Variants in ITFG2 observed in about 807,000 individuals in gnomAD.
The protein encoded by ITFG2 is KICSTOR complex protein ITFG2.
In ITFG2, 36 loss-of-function variants were observed where a neutral mutation model predicts 54.4. The ratio of observed to expected loss-of-function variants is 0.66; its 90% CI spans 0.51 to 0.87. The LOEUF (loss-of-function observed/expected upper bound fraction) is 0.87, where lower values mean the gene tolerates loss of function less well. Among genes scored for constraint, ITFG2 ranks in the 40% least tolerant of loss-of-function variants. ITFG2 has a pLI of 0.00. For synonymous variants in ITFG2, 211 were observed against 225.4 expected (o/e 0.94, Z 0.57); for missense variants, 524 against 576.7 (o/e 0.91, Z 0.94).
intron 2 of ITFG2, among the ~76,000 whole-genome samples, chr12:2,841,468 TGTCTTTA>T (rs754805531): frequency 6.6e-6 from 1 of 152,204 alleles, no homozygotes; most frequent in Non-Finnish European, 1.5e-5. Flanking sequence ...AAACACTTTC[TGTCTTTA>T]GATAAAACCA....
chr12:2,854,252 C>T (rs997747137), intron 2 of ITFG2, among the ~76,000 whole-genome samples: 13 of 152,298 alleles, frequency 8.5e-5, no homozygotes, highest in South Asian at 2.1e-4. Flanking sequence ...CTGGAACTCC[C>T]TACCTCAGGT....
chr12:2,855,404 C>A, intron 2 of ITFG2: 1 of 1,500,952 alleles, frequency 6.7e-7, no homozygotes, highest in Non-Finnish European at 8.9e-7. Context: ...TCACGCTGAG[C>A]CCACGTTTGG....
intron 2 of ITFG2, chr12:2,857,098 G>T: frequency 1.4e-6 from 1 of 702,534 alleles, no homozygotes; most frequent in South Asian, 1.5e-5. Context: ...TTTACTCCTG[G>T]GGTTGCTATG....
chr12:2,854,272 G>A (rs868522074), intron 2 of ITFG2, among the ~76,000 whole-genome samples: 14 of 152,184 alleles, frequency 9.2e-5, no homozygotes, highest in Non-Finnish European at 1.3e-4. Flanking sequence ...TGATCCGGCC[G>A]CCTCGGCCTC....
At chr12:2,830,690 C>G in intron 2 of ITFG2, 1 of 1,599,534 alleles carries the variant, frequency 6.3e-7, no homozygotes, top group Non-Finnish European at 8.5e-7. Context: ...GAAAGTGTGT[C>G]CCTGGGAGGC....
At chr12:2,832,323 G>C (rs887764010), upstream of ITFG2, among the ~76,000 whole-genome samples, 1 of 151,762 alleles carries the variant, frequency 6.6e-6, no homozygotes, top group African/African-American at 2.4e-5. Flanking sequence ...CCACATGACC[G>C]GGCCGTGCCT....
In ITFG2 at chr12:2,845,096, A is replaced by T. The variant is rs2098050378; in HGVS notation, n.300+4101A>T. On this transcript the variant is annotated intron_variant and non_coding_transcript_variant, in intron 2 of 3. Transcript: ENST00000537710. This position sits in a 1 kb window ranked among gnomAD's most constrained non-coding sequence, Gnocchi z 4.2. ...CAGCCACTATTGACACTGTGTAATG[A>T]AAAGAGCAAATGTGTGCGGCTCGGT... Among the ~76,000 whole-genome samples the T allele has an allele frequency of 6.6e-6, 1 of 152,164 alleles. No homozygotes were observed. The highest frequency in any genetic ancestry group is 2.1e-4 in the South Asian group (1 of 4,828).
chr12:2,822,989 G>A, intron 10 of ITFG2, 78 bp downstream of exon 10: 1 of 1,064,508 alleles, frequency 9.4e-7, no homozygotes, highest in Non-Finnish European at 1.5e-6. Flanking sequence ...GGAAGTGTTT[G>A]CCCCTCACTT....
intron 2 of ITFG2, among the ~76,000 whole-genome samples, chr12:2,841,795 T>G (rs573324607): frequency 4.6e-4 from 70 of 152,140 alleles, no homozygotes; most frequent in African/African-American, 1.6e-3. Flanking sequence ...CTCGGCTCAC[T>G]GCAACCTCCG....
chr12:2,859,530 C>T (rs768600295), intron 3 of ITFG2: 1 of 1,614,036 alleles, frequency 6.2e-7, no homozygotes, highest in South Asian at 1.1e-5. Flanking sequence ...CATTTCCTCC[C>T]CAGGCTGGAT....
intron 2 of ITFG2, among the ~76,000 whole-genome samples, chr12:2,846,544 T>A (rs1385040233): frequency 6.6e-6 from 1 of 152,060 alleles, no homozygotes; most frequent in African/African-American, 2.4e-5. Context: ...CTCGACGGGC[T>A]TCACTTTGCC....
chr12:2,855,803 G>T (rs1299644288), intron 2 of ITFG2, among the ~76,000 whole-genome samples: 1 of 152,126 alleles, frequency 6.6e-6, no homozygotes, highest in Admixed American at 6.6e-5. Flanking sequence ...GGCACATCAG[G>T]CCTCAGGAAA....
chr12:2,827,865 GC>G (rs1031197618), downstream of ITFG2: 3 of 1,611,518 alleles, frequency 1.9e-6, no homozygotes, highest in Non-Finnish European at 2.5e-6. The surrounding 1 kb of genome is among the most constrained non-coding windows in gnomAD (Gnocchi z 4.0). Context: ...CTCAGCCTTT[GC>G]CCCACCCCAA....
chr12:2,828,655 G>A (rs2097983050), downstream of ITFG2, among the ~76,000 whole-genome samples: 1 of 151,966 alleles, frequency 6.6e-6, no homozygotes, highest in Non-Finnish European at 1.5e-5. Flanking sequence ...GCCTGACCAG[G>A]GTTTAGTAGA....
At chr12:2,829,950 G>A (rs1252668945), downstream of ITFG2, among the ~76,000 whole-genome samples, 3 of 119,580 alleles carry the variant, frequency 2.5e-5, no homozygotes, top group East Asian at 2.5e-4. Flanking sequence ...GGTAGTGTGG[G>A]CCTATAGTCC....
chr12:2,850,421 T>C (rs2098066216), intron 2 of ITFG2, among the ~76,000 whole-genome samples: 1 of 140,200 alleles, frequency 7.1e-6, no homozygotes, highest in Non-Finnish European at 1.5e-5. Context: ...TTGCAAGCAG[T>C]GAGCCCAGAT....
intron 1 of ITFG2, among the ~76,000 whole-genome samples, chr12:2,839,689 A>G (rs7297778): frequency 0.99 from 150,737 of 152,286 alleles, 74,607 homozygotes; most frequent in Middle Eastern, 1. Flanking sequence ...TTCTAATGGA[A>G]CAGGTAGATA....
chr12:2,821,067 G>C (rs2097942518), intron 6 of ITFG2, among the ~76,000 whole-genome samples, 195 bp downstream of exon 6: 1 of 152,192 alleles, frequency 6.6e-6, no homozygotes, highest in African/African-American at 2.4e-5. Flanking sequence ...TGTAGCACCT[G>C]AAAGAGGTCC....
intron 1 of ITFG2, among the ~76,000 whole-genome samples, chr12:2,840,378 G>A (rs1004118170): frequency 1.3e-5 from 2 of 151,732 alleles, no homozygotes; most frequent in African/African-American, 2.4e-5. Context: ...GCTTGAAACC[G>A]GGAGGTGGAT....
Sources: allele counts gnomAD v4.1 joint callset (sites outside exome capture counted in the v4.1 genomes callset), GRCh38; gene constraint gnomAD v4.1.1; non-coding constraint Gnocchi (gnomAD v3.1); transcripts MANE v1.5; gene names NCBI Gene and HGNC (gene_info 2026-07-23, HGNC 2026-07-21).